The following MTX2 variants were observed in gnomAD, a reference collection of about 807,000 sequenced individuals.
MTX2 encodes metaxin-2.
In MTX2, 35 loss-of-function variants were observed where a neutral mutation model predicts 42.3. That is an observed-to-expected ratio of 0.83 (90% CI 0.63 to 1.10). The LOEUF (loss-of-function observed/expected upper bound fraction) is 1.10. Among genes scored for constraint, MTX2 ranks in the 50% least tolerant of loss-of-function variants. MTX2 has a pLI of 0.00. For synonymous variants in MTX2, 119 were observed against 100.9 expected (o/e 1.18, Z -1.08); for missense variants, 307 against 304.1 (o/e 1.01, Z -0.07).
chr2:176,293,409 T>C (rs942430509), intron 1 of MTX2, among the ~76,000 whole-genome samples: 2 of 152,200 alleles, frequency 1.3e-5, no homozygotes, highest in Non-Finnish European at 1.5e-5. Context: ...TTTGGATGTT[T>C]GTTCCCTGCA....
chr2:176,269,606 C>G lies in MTX2; in HGVS notation c.-24C>G. On this transcript the variant is annotated 5_prime_UTR_variant, in exon 1 of 10. Transcript: ENST00000249442. Reference sequence around the variant, plus strand: ...CTGAGGCCCGTGGGGGGCAGGCACCCGGGCGCCGGGCCTCCCAGCCGACAT... The same window carrying G: ...CTGAGGCCCGTGGGGGGCAGGCACCGGGGCGCCGGGCCTCCCAGCCGACAT... The G allele has an allele frequency of 6.4e-7, 1 of 1,573,924 alleles. No homozygotes were observed. Among genetic ancestry groups the G allele is most frequent in the Non-Finnish European group, 8.6e-7 (1 of 1,164,554 alleles).
chr2:176,314,583 A>G (rs1385908634), intron 3 of MTX2, among the ~76,000 whole-genome samples: 6 of 152,182 alleles, frequency 3.9e-5, no homozygotes. Context: ...GAAATTAGAT[A>G]TGTATAATAT....
intron 1 of MTX2, among the ~76,000 whole-genome samples, chr2:176,292,704 C>T (rs995189968): frequency 5.3e-5 from 8 of 152,154 alleles, no homozygotes; most frequent in African/African-American, 1.9e-4. Flanking sequence ...TCACTTTTGG[C>T]ATTCCTAGGG....
At chr2:176,274,528 G>A (rs1407561993) in intron 1 of MTX2, among the ~76,000 whole-genome samples, 1 of 152,132 alleles carries the variant, frequency 6.6e-6, no homozygotes, top group African/African-American at 2.4e-5. Context: ...AGAAGTACCA[G>A]GATATCTATT....
intron 1 of MTX2, among the ~76,000 whole-genome samples, chr2:176,280,263 G>A (rs1435708661): frequency 2.6e-5 from 4 of 152,284 alleles, no homozygotes; most frequent in East Asian, 3.9e-4. Context: ...TGTAGGGAAA[G>A]TGCAAGTGTC....
At chr2:176,307,978 GT>G (rs1271094882) in intron 3 of MTX2, among the ~76,000 whole-genome samples, 1 of 152,110 alleles carries the variant, frequency 6.6e-6, no homozygotes, top group African/African-American at 2.4e-5. Flanking sequence ...TCTTGTGCGG[GT>G]TTTCAAAGGG....
chr2:176,269,724 G>T, intron 1 of MTX2, 55 bp downstream of exon 1: 1 of 1,550,254 alleles, frequency 6.5e-7, no homozygotes. Context: ...GGGGAGCCGC[G>T]TGGGGTACAG....
intron 3 of MTX2, among the ~76,000 whole-genome samples, chr2:176,310,617 A>C (rs924238141): frequency 1.3e-5 from 2 of 151,824 alleles, no homozygotes; most frequent in Non-Finnish European, 2.9e-5. Flanking sequence ...TTTTTCTCTA[A>C]CCTTGTCTTC....
At chr2:176,312,824 T>C (rs564238451) in intron 3 of MTX2, among the ~76,000 whole-genome samples, 3 of 138,164 alleles carry the variant, frequency 2.2e-5, no homozygotes, top group Non-Finnish European at 4.5e-5. Flanking sequence ...GATTGCATCA[T>C]TGCACTCCAG....
intron 3 of MTX2, among the ~76,000 whole-genome samples, chr2:176,317,724 T>C: frequency 6.6e-6 from 1 of 152,144 alleles, no homozygotes; most frequent in South Asian, 2.1e-4. Flanking sequence ...TGAACCTCGA[T>C]CAGTATGTAT....
chr2:176,298,110 C>T (rs868474083), intron 3 of MTX2, among the ~76,000 whole-genome samples: 4 of 151,284 alleles, frequency 2.6e-5, no homozygotes, highest in South Asian at 2.1e-4. Flanking sequence ...ATAAAATAAA[C>T]ATAAATTTTT....
chr2:176,317,798 C>G (rs1186864443), intron 3 of MTX2, among the ~76,000 whole-genome samples: 2 of 152,070 alleles, frequency 1.3e-5, no homozygotes, highest in African/African-American at 4.8e-5. Flanking sequence ...CTGTTTGGGT[C>G]CCTCTAGCTC....
At chr2:176,325,111 A>G (rs189704850) in intron 4 of MTX2, among the ~76,000 whole-genome samples, 3 of 151,824 alleles carry the variant, frequency 2.0e-5, no homozygotes, top group Admixed American at 6.6e-5. Context: ...CAGTGACTTC[A>G]TCTGTAATAT....
chr2:176,313,509 C>T (rs1002108975), intron 3 of MTX2, among the ~76,000 whole-genome samples: 7 of 151,090 alleles, frequency 4.6e-5, no homozygotes, highest in African/African-American at 1.7e-4. Context: ...TGTCCTGCCT[C>T]AGCCTCCCAA....
intron 3 of MTX2, among the ~76,000 whole-genome samples, chr2:176,317,580 T>C (rs1451304355): frequency 6.6e-6 from 1 of 152,090 alleles, no homozygotes; most frequent in Non-Finnish European, 1.5e-5. Context: ...TATTGAGAGG[T>C]CATTTTTGTT....
At chr2:176,311,995 G>A (rs1558937580) in intron 3 of MTX2, among the ~76,000 whole-genome samples, 1 of 152,192 alleles carries the variant, frequency 6.6e-6, no homozygotes, top group Non-Finnish European at 1.5e-5. Flanking sequence ...ATCATGCTGG[G>A]AGCTGCAGAC....
At chr2:176,275,714 G>C (rs1021651695) in intron 1 of MTX2, among the ~76,000 whole-genome samples, 14 of 151,974 alleles carry the variant, frequency 9.2e-5, no homozygotes, top group African/African-American at 3.4e-4. Flanking sequence ...TATATCATAG[G>C]GGAGGGTTGT....
At chr2:176,309,155 T>C (rs1423484367) in intron 3 of MTX2, among the ~76,000 whole-genome samples, 2 of 152,220 alleles carry the variant, frequency 1.3e-5, no homozygotes, top group Non-Finnish European at 2.9e-5. Context: ...ATTTACCCAG[T>C]AGTCATTCAG....
rs1524081 is a variant in MTX2, at chr2:176,333,764, T to G, written c.620+3104T>G. Among the ~76,000 whole-genome samples the G allele has an allele frequency of 3.2e-3, 485 of 151,842 alleles. 6 individuals are homozygous for G. The East Asian group carries it at 0.036, about 11-fold the overall frequency. On this transcript the variant is annotated intron_variant, in intron 9 of 9. Coordinates refer to ENST00000249442, the MANE Select transcript of MTX2 (RefSeq NM_006554.5). ...TTAGATATGTTTAAATACACAAGTA[T>G]TTGTGTACCATAAATACACATTATC...
Sources: gnomAD v4.1 joint callset for allele counts (sites outside exome capture counted in the v4.1 genomes callset) on GRCh38, gnomAD v4.1.1 for gene constraint, MANE v1.5 for transcripts, NCBI Gene and HGNC (gene_info 2026-07-23, HGNC 2026-07-21) for gene names.